NDST3: variants seen among roughly 807,000 people sequenced by gnomAD.
NDST3 encodes N-deacetylase and N-sulfotransferase 3.
A neutral mutation model predicts 96.1 loss-of-function variants in NDST3; 58 were observed. The observed-to-expected ratio is 0.60, with a 90% CI of 0.49 to 0.75. NDST3 has a LOEUF of 0.75. Ranked by LOEUF, NDST3 falls within the 30% of genes least tolerant of loss-of-function variation. The pLI is 0.00. For synonymous variants in NDST3, 333 were observed against 359.7 expected (o/e 0.93, Z 0.84); for missense variants, 788 against 1,034.2 (o/e 0.76, Z 3.27).
At chr4:118,161,474 G>C (rs1260235338) in intron 6 of NDST3, among the ~76,000 whole-genome samples, 2 of 152,200 alleles carry the variant, frequency 1.3e-5, no homozygotes, top group African/African-American at 4.8e-5. Flanking sequence ...TGCCCCCAGA[G>C]GTGGAGTCTA....
At chr4:118,103,228 C>T (rs1729902286) in intron 2 of NDST3, among the ~76,000 whole-genome samples, 1 of 150,318 alleles carries the variant, frequency 6.7e-6, no homozygotes, top group Admixed American at 6.6e-5. Context: ...GCACTGAACA[C>T]AAAAAAAATA....
At chr4:118,221,948 C>G (rs1265385410) in intron 6 of NDST3, among the ~76,000 whole-genome samples, 7 of 150,644 alleles carry the variant, frequency 4.6e-5, no homozygotes. Context: ...TCATTGGAAT[C>G]TACAAGTATA....
intron 6 of NDST3, among the ~76,000 whole-genome samples, chr4:118,182,243 G>C (rs535795546): frequency 6.6e-6 from 1 of 152,228 alleles, no homozygotes; most frequent in South Asian, 2.1e-4. Context: ...CTCGGGACAC[G>C]AATTGAAACA....
chr4:118,253,732 A>G, intron 13 of NDST3, 131 bp downstream of exon 13: 1 of 595,278 alleles, frequency 1.7e-6, no homozygotes, highest in Non-Finnish European at 3.0e-6. Flanking sequence ...TTTCAATTTC[A>G]GTACAGGTAG....
intron 10 of NDST3, among the ~76,000 whole-genome samples, chr4:118,237,673 T>G (rs762649303): frequency 6.6e-6 from 1 of 152,138 alleles, no homozygotes; most frequent in East Asian, 1.9e-4. Flanking sequence ...CCATAGACAA[T>G]ATGTAAATGC....
chr4:118,138,091 C>T lies in NDST3; in HGVS notation c.1262C>T (p.Ala421Val). 7 of 1,613,176 alleles carry T rather than the reference C, an allele frequency of 4.3e-6. No individual in the cohort carries two copies. The highest frequency in any genetic ancestry group is 5.1e-6 in the Non-Finnish European group (6 of 1,179,538). The change falls in exon 5 of 14, where the codon GCC becomes GTC. Residue 421 changes from alanine (A) to valine (V), a missense_variant. This residue lies in a region of NDST3 where 490 missense variants were observed against 708.8 expected (regional missense o/e 0.69). Transcript: ENST00000296499. ...GIPTDMGYAV[A>V]PHHSGVYPVH... ...CCAACGGACATGGGCTACGCTGTGGCCCCTCACCATTCGGGCGTCTACCCT... is the reference window on the plus strand; with the variant it reads ...CCAACGGACATGGGCTACGCTGTGGTCCCTCACCATTCGGGCGTCTACCCT...
At chr4:118,176,543 C>T (rs139496999) in intron 6 of NDST3, among the ~76,000 whole-genome samples, 82 of 152,168 alleles carry the variant, frequency 5.4e-4, no homozygotes, top group African/African-American at 1.9e-3. Flanking sequence ...GATGAGTTCA[C>T]TTCTCTAGCT....
At position 118,217,185 on chromosome 4, in the gene NDST3, G is replaced by A. The variant is rs542502019; in HGVS notation, c.1540-7306G>A. 5.3e-5 allele frequency among the ~76,000 whole-genome samples: 8 copies of A among 152,184 alleles called. No individual in the cohort carries two copies. In the East Asian group the frequency reaches 7.7e-4, roughly 15 times the overall value. ...AGCGTATTTACAGAGAGAAGAAACC[G>A]TATAAACGAAGCCGTGGAGAGGCAA... On this transcript the variant is annotated intron_variant, in intron 6 of 13. Coordinates refer to ENST00000296499, the MANE Select transcript of NDST3 (RefSeq NM_004784.3).
rs114860259 is a variant in NDST3, at chr4:118,230,622, C to A, written c.1820-2390C>A. 4.6e-3 allele frequency among the ~76,000 whole-genome samples: 704 copies of A among 152,016 alleles called. 12 individuals are homozygous for A. The highest frequency in any genetic ancestry group is 0.016 in the African/African-American group (678 of 41,466). The stretch of plus-strand genomic sequence containing the variant: ...ATTCTTGGGTTATAACAAAGACTTA[C>A]CGAATCAGAGATACTGGGATAGGGC... On this transcript the variant is annotated intron_variant, in intron 8 of 13. Coordinates refer to ENST00000296499, the MANE Select transcript of NDST3 (RefSeq NM_004784.3).
At chr4:118,059,114 C>T (rs944501631) in intron 2 of NDST3, among the ~76,000 whole-genome samples, 5 of 152,088 alleles carry the variant, frequency 3.3e-5, no homozygotes, top group Non-Finnish European at 5.9e-5. Context: ...AATAGGTACA[C>T]ATTCCTTTCA....
intron 2 of NDST3, among the ~76,000 whole-genome samples, chr4:118,063,790 T>G (rs1446395410): frequency 6.6e-6 from 1 of 152,184 alleles, no homozygotes. Flanking sequence ...TTGCCCAAGA[T>G]CTTACAACTA....
intron 3 of NDST3, among the ~76,000 whole-genome samples, chr4:118,111,537 T>A: frequency 1.4e-4 from 1 of 6,908 alleles, no homozygotes. Flanking sequence ...TAATCATGAT[T>A]TTTTTTTTTT....
intron 3 of NDST3, among the ~76,000 whole-genome samples, chr4:118,110,149 CCTTA>C (rs1428258394): frequency 6.6e-6 from 1 of 152,084 alleles, no homozygotes; most frequent in Non-Finnish European, 1.5e-5. Flanking sequence ...AAAAGATTCT[CCTTA>C]TTTATAGATT....
At chr4:118,188,352 A>C (rs1053652911) in intron 6 of NDST3, among the ~76,000 whole-genome samples, 1 of 149,398 alleles carries the variant, frequency 6.7e-6, no homozygotes, top group Non-Finnish European at 1.5e-5. Context: ...GGATTCCTTT[A>C]TCATTTCCAT....
intron 6 of NDST3, among the ~76,000 whole-genome samples, chr4:118,196,611 T>C (rs1041202270): frequency 3.3e-5 from 5 of 152,162 alleles, no homozygotes; most frequent in Non-Finnish European, 7.4e-5. Flanking sequence ...CCATTTCTTC[T>C]AGATTTTCCA....
At chr4:118,082,345 A>G (rs1442575498) in intron 2 of NDST3, among the ~76,000 whole-genome samples, 2 of 152,302 alleles carry the variant, frequency 1.3e-5, no homozygotes, top group African/African-American at 4.8e-5. Flanking sequence ...AAGGTGCAAC[A>G]CTCTTAGATC....
At chr4:118,214,470 G>C (rs1444665707) in intron 6 of NDST3, among the ~76,000 whole-genome samples, 1 of 151,920 alleles carries the variant, frequency 6.6e-6, no homozygotes. Context: ...TGTGTACATT[G>C]GGTTAAATTA....
At chr4:118,144,414 T>C (rs1733793915) in intron 6 of NDST3, among the ~76,000 whole-genome samples, 1 of 152,054 alleles carries the variant, frequency 6.6e-6, no homozygotes, top group Non-Finnish European at 1.5e-5. Context: ...TCTCCTGACC[T>C]TGTGATCTGC....
At chr4:118,036,679 T>C (rs1336761203) in intron 1 of NDST3, among the ~76,000 whole-genome samples, 1 of 152,222 alleles carries the variant, frequency 6.6e-6, no homozygotes, top group Non-Finnish European at 1.5e-5. Flanking sequence ...TGTTTGTTTA[T>C]AGTAAAAAAC....
Sources: gnomAD v4.1 joint callset for allele counts (sites outside exome capture counted in the v4.1 genomes callset) on GRCh38, gnomAD v4.1.1 for gene constraint, gnomAD v4.1.1 regional missense constraint, MANE v1.5 for transcripts, NCBI Gene and HGNC (gene_info 2026-07-23, HGNC 2026-07-21) for gene names.